PCDHGB3: variants seen among roughly 807,000 people sequenced by gnomAD.
PCDHGB3 encodes the protein protocadherin gamma subfamily B, 3.
In PCDHGB3, 40 loss-of-function variants were observed where a neutral mutation model predicts 59.2. The ratio of observed to expected loss-of-function variants is 0.68; its 90% CI spans 0.52 to 0.88. The LOEUF is 0.88. Among genes scored for constraint, PCDHGB3 ranks in the 40% least tolerant of loss-of-function variants. The pLI, the probability that PCDHGB3 is intolerant of heterozygous loss-of-function variation, is 0.00. For missense variants in PCDHGB3, 1,309 were observed against 1,187.9 expected, an observed-to-expected ratio of 1.10 and a Z score of -1.50; for synonymous variants, 581 against 503.6, an observed-to-expected ratio of 1.15 and a Z score of -2.06.
In PCDHGB3 at chr5:141,419,425, C is replaced by T. The variant is rs3749766; in HGVS notation, c.2415+46616C>T. Reference sequence around the variant, plus strand: ...TGTTCGCGCAGCGCGCCTTCGACCACGAGCAGCTGCGCACCTTCGAGCTCA... The same window carrying T: ...TGTTCGCGCAGCGCGCCTTCGACCATGAGCAGCTGCGCACCTTCGAGCTCA... On this transcript the variant is annotated intron_variant, in intron 1 of 3. Transcript: ENST00000576222. 284 of 1,613,316 alleles carry T rather than the reference C, an allele frequency of 1.8e-4. 1 individual carries two copies. The East Asian group carries it at 5.9e-3, about 34-fold the overall frequency.
At position 141,487,790 on chromosome 5, in the gene PCDHGB3, C is replaced by T. The variant is rs1360781901; in HGVS notation, c.2416-7017C>T. 6.6e-7 allele frequency: 1 copy of T among 1,511,992 alleles called. No individual in the cohort carries two copies. Among genetic ancestry groups the T allele is most frequent in the Non-Finnish European group, 8.9e-7 (1 of 1,120,458 alleles). The allele number at this position is 1,511,992 out of a possible 1,614,324, so 93.7% of individuals were successfully genotyped here. ...GCTTTGTAACTGTTTCGTGAATTAA[C>T]CAGAGTTGTCACAGTTTAGCATTGG... On this transcript the variant is annotated intron_variant, in intron 1 of 3. Coordinates refer to ENST00000576222, the MANE Select transcript of PCDHGB3 (RefSeq NM_018924.5). This position sits in a 1 kb window ranked among gnomAD's most constrained non-coding sequence, Gnocchi z 5.0.
chr5:141,462,872 AG>A (rs1254807813), intron 1 of PCDHGB3, among the ~76,000 whole-genome samples: 54 of 152,272 alleles, frequency 3.5e-4, no homozygotes, highest in Middle Eastern at 6.8e-3. Flanking sequence ...TCTTTCTTTA[AG>A]AACTATTGCA....
intron 1 of PCDHGB3, among the ~76,000 whole-genome samples, chr5:141,406,193 C>T (rs2094777569): frequency 1.3e-5 from 2 of 151,820 alleles, no homozygotes. Flanking sequence ...CCACCTCAGC[C>T]TTCACAGTAG....
Position 141,419,699 on chromosome 5 carries a change from C to G in PCDHGB3, c.2415+46890C>G, listed in dbSNP as rs1488905080. ...CTACCACGTGGTGCAGGCCAGTGAG[C>G]CCGGGCTCTTCAGCCTGGGGCTGCG... On this transcript the variant is annotated intron_variant, in intron 1 of 3. Coordinates refer to ENST00000576222, the MANE Select transcript of PCDHGB3 (RefSeq NM_018924.5). The G allele has an allele frequency of 5.6e-6, 9 of 1,612,806 alleles. No homozygotes were observed. The East Asian group carries it at 1.8e-4, about 32-fold the overall frequency.
chr5:141,419,010 G>A (rs2096312778), intron 1 of PCDHGB3: 2 of 1,613,866 alleles, frequency 1.2e-6, no homozygotes, highest in Non-Finnish European at 8.5e-7. Flanking sequence ...GAAGTCAGGT[G>A]TAGCTTAAGT....
intron 1 of PCDHGB3, chr5:141,427,868 C>T (rs1311930991): frequency 4.5e-6 from 7 of 1,559,298 alleles, no homozygotes; most frequent in African/African-American, 2.7e-5. Context: ...CCTTCGAGCT[C>T]ACGATGCAGG....
chr5:141,418,986 C>T, intron 1 of PCDHGB3: 1 of 1,613,930 alleles, frequency 6.2e-7, no homozygotes, highest in Non-Finnish European at 8.5e-7. Context: ...GACCAAGACT[C>T]AGGGGAAAAT....
At chr5:141,418,409 G>T in intron 1 of PCDHGB3, 1 of 1,613,910 alleles carries the variant, frequency 6.2e-7, no homozygotes, top group Non-Finnish European at 8.5e-7. Flanking sequence ...GGTGGAGAAA[G>T]ACAATCCTGA....
rs199552905 is a variant in PCDHGB3 at position 141,423,400 on chromosome 5, C to A, written c.2415+50591C>A. On this transcript the variant is annotated intron_variant, in intron 1 of 3. Transcript: ENST00000576222. Reference sequence around the variant, plus strand: ...GCTGTGGCGCTGGCATAAGTCACGCCTGCTGCAGGCTTCTGAAGGCGGGTT... The same window carrying A: ...GCTGTGGCGCTGGCATAAGTCACGCATGCTGCAGGCTTCTGAAGGCGGGTT... 62 of 1,614,152 alleles carry A rather than the reference C, an allele frequency of 3.8e-5. No homozygotes were observed. The African/African-American group carries it at 6.9e-4, about 18-fold the overall frequency.
chr5:141,401,083 C>T (rs2094110284), intron 1 of PCDHGB3, among the ~76,000 whole-genome samples: 1 of 152,176 alleles, frequency 6.6e-6, no homozygotes, highest in Admixed American at 6.5e-5. Context: ...GTGGCTCATG[C>T]CTGTAATCCC....
intron 1 of PCDHGB3, chr5:141,392,941 C>T (rs780347240): frequency 6.2e-7 from 1 of 1,613,940 alleles, no homozygotes. Context: ...GACAAAGGCT[C>T]CTTCGTGGGT....
At position 141,487,543 on chromosome 5, in the gene PCDHGB3, A is replaced by G. The variant is rs2099649285; in HGVS notation, c.2416-7264A>G. On this transcript the variant is annotated intron_variant, in intron 1 of 3. Coordinates refer to ENST00000576222, the MANE Select transcript of PCDHGB3 (RefSeq NM_018924.5). This position sits in a 1 kb window ranked among gnomAD's most constrained non-coding sequence, Gnocchi z 5.0. ...GTGATAGCTTCATGATGGTGAAGTC[A>G]CCCAGTGCACCTATGGCAGGGGAGC... is the stretch of plus-strand genomic sequence containing the variant. The G allele has an allele frequency of 3.7e-6, 6 of 1,614,114 alleles. No homozygotes were observed. In the South Asian group the frequency reaches 5.5e-5, roughly 15 times the overall value.
Position 141,485,582 on chromosome 5 carries a change from C to G in PCDHGB3, c.2416-9225C>G. The G allele has an allele frequency of 6.2e-7, 1 of 1,612,374 alleles. No individual in the cohort carries two copies. Among genetic ancestry groups the G allele is most frequent in the South Asian group, 1.1e-5 (1 of 90,956 alleles). On this transcript the variant is annotated intron_variant, in intron 1 of 3. Transcript: ENST00000576222. The surrounding 1 kb of genome is among the most constrained non-coding windows in gnomAD (Gnocchi z 5.7). ...TCACGCCCCCCGTTTTCCGCGGCAG[C>G]AGCTGGACTTGGAAATTGGGGAGGC...
chr5:141,376,249 A>G (rs1433359020), intron 1 of PCDHGB3: 1 of 1,614,042 alleles, frequency 6.2e-7, no homozygotes, highest in Non-Finnish European at 8.5e-7. Context: ...GGCACAAGTC[A>G]CGCCTGCTGC....
Position 141,411,472 on chromosome 5 carries a change from T to G in PCDHGB3, c.2415+38663T>G, listed in dbSNP as rs546914871. ...GGTAGCATTCCCCTGTGGTCCCAGC[T>G]ACTTGGGAGGCTGAGCTGGGTGGAT... On this transcript the variant is annotated intron_variant, in intron 1 of 3. Coordinates refer to ENST00000576222, the MANE Select transcript of PCDHGB3 (RefSeq NM_018924.5). 2.6e-5 allele frequency: 4 copies of G among 151,948 alleles called. 1 individual carries two copies. The South Asian group carries it at 8.3e-4, about 32-fold the overall frequency. The allele number at this position is 151,948 out of a possible 1,614,324, so 9.4% of individuals were successfully genotyped here.
chr5:141,489,312 G>A lies in PCDHGB3; in HGVS notation c.2416-5495G>A, dbSNP rs745541067. The A allele has an allele frequency of 2.5e-6, 4 of 1,594,972 alleles. No homozygotes were observed. The highest frequency in any genetic ancestry group is 2.6e-6 in the Non-Finnish European group (3 of 1,169,822). On this transcript the variant is annotated intron_variant, in intron 1 of 3. Transcript: ENST00000576222. This position sits in a 1 kb window ranked among gnomAD's most constrained non-coding sequence, Gnocchi z 4.5. ...TGTGCATGTTGTCCTTGTGCTGCTG[G>A]GGCTGGGTGTCTGGGCAGCTTCGTT...
chr5:141,486,090 G>T lies in PCDHGB3; in HGVS notation c.2416-8717G>T, dbSNP rs190955361. 2.5e-6 allele frequency: 4 copies of T among 1,614,086 alleles called. No individual in the cohort carries two copies. In the East Asian group the frequency reaches 8.9e-5, roughly 36 times the overall value. On this transcript the variant is annotated intron_variant, in intron 1 of 3. Transcript: ENST00000576222. This position sits in a 1 kb window ranked among gnomAD's most constrained non-coding sequence, Gnocchi z 5.0. Reference sequence around the variant, plus strand: ...ACTACTGGAAAGCTTACTCTTTTGGGGCCCCTAGACTTTGAGAGTGAGAAT... The same window carrying T: ...ACTACTGGAAAGCTTACTCTTTTGGTGCCCCTAGACTTTGAGAGTGAGAAT...
At chr5:141,411,341 G>A (rs903980826) in intron 1 of PCDHGB3, 4 of 152,064 alleles carry the variant, frequency 2.6e-5, no homozygotes, top group Admixed American at 6.5e-5. Context: ...AGGCTGAATC[G>A]GAAAGTATCA....
chr5:141,490,423 T>C lies in PCDHGB3; in HGVS notation c.2416-4384T>C. ...CCTTGATATCTCTCCGGACCTGCCATTTCAGATTAAGCCTTCTGAGAACCA... is the reference window on the plus strand; with the variant it reads ...CCTTGATATCTCTCCGGACCTGCCACTTCAGATTAAGCCTTCTGAGAACCA... On this transcript the variant is annotated intron_variant, in intron 1 of 3. Coordinates refer to ENST00000576222, the MANE Select transcript of PCDHGB3 (RefSeq NM_018924.5). This position sits in a 1 kb window ranked among gnomAD's most constrained non-coding sequence, Gnocchi z 5.4. 6.2e-7 allele frequency: 1 copy of C among 1,614,172 alleles called. No individual in the cohort carries two copies. The highest frequency in any genetic ancestry group is 8.5e-7 in the Non-Finnish European group (1 of 1,180,028).
Sources: gnomAD v4.1 joint callset for allele counts (sites outside exome capture counted in the v4.1 genomes callset) on GRCh38, gnomAD v4.1.1 for gene constraint, Gnocchi (gnomAD v3.1) non-coding constraint, MANE v1.5 for transcripts, NCBI Gene and HGNC (gene_info 2026-07-23, HGNC 2026-07-21) for gene names.